FBXO11: variants seen among roughly 807,000 people sequenced by gnomAD.
FBXO11 encodes F-box protein 11.
Under a neutral mutation model 117.0 loss-of-function variants are expected in FBXO11, and 13 were observed. The ratio of observed to expected loss-of-function variants is 0.11; its 90% confidence interval spans 0.07 to 0.18. FBXO11 has a LOEUF of 0.18. FBXO11 is among the 10% of genes least tolerant of loss of function. The pLI is 1.00. For synonymous variants in FBXO11, 490 were observed against 380.5 expected (o/e 1.29, Z -3.35); for missense variants, 767 against 1,164.4 (o/e 0.66, Z 4.97).
chr2:47,836,669 G>A (rs922560342), intron 4 of FBXO11, among the ~76,000 whole-genome samples: 3 of 152,034 alleles, frequency 2.0e-5, no homozygotes, highest in Non-Finnish European at 1.5e-5. Flanking sequence ...ATGAAAATTT[G>A]TCCACACAGA....
intron 12 of FBXO11, among the ~76,000 whole-genome samples, chr2:47,822,538 T>G (rs1671464517): frequency 6.6e-6 from 1 of 152,210 alleles, no homozygotes; most frequent in South Asian, 2.1e-4. Context: ...CAAAACAATT[T>G]TTTAGCTGAT....
chr2:47,895,036 A>G (rs1572920311), intron 1 of FBXO11, among the ~76,000 whole-genome samples: 1 of 152,170 alleles, frequency 6.6e-6, no homozygotes, highest in East Asian at 1.9e-4. Flanking sequence ...ATATTCACAC[A>G]CCTTAAAGCT....
At chr2:47,830,095 G>C (rs1480419949) in intron 11 of FBXO11, among the ~76,000 whole-genome samples, 2 of 152,000 alleles carry the variant, frequency 1.3e-5, no homozygotes, top group Non-Finnish European at 2.9e-5. Context: ...CAGAAAGATA[G>C]CTAAGTTTCT....
intron 1 of FBXO11, among the ~76,000 whole-genome samples, chr2:47,886,654 T>C (rs1676875427): frequency 6.6e-6 from 1 of 152,144 alleles, no homozygotes; most frequent in Non-Finnish European, 1.5e-5. Context: ...TACATTCATG[T>C]AAGGGGACTA....
At chr2:47,852,286 G>T (rs1262310531) in intron 1 of FBXO11, among the ~76,000 whole-genome samples, 1 of 152,102 alleles carries the variant, frequency 6.6e-6, no homozygotes, top group Non-Finnish European at 1.5e-5. Flanking sequence ...CACTGCGTCT[G>T]GCCAGCAACC....
At chr2:47,895,404 T>C (rs1239152775) in intron 1 of FBXO11, among the ~76,000 whole-genome samples, 1 of 152,146 alleles carries the variant, frequency 6.6e-6, no homozygotes, top group African/African-American at 2.4e-5. Context: ...GTCAGACACA[T>C]AGGAGTACAT....
At chr2:47,899,882 A>G (rs1049837747) in intron 1 of FBXO11, among the ~76,000 whole-genome samples, 1 of 152,128 alleles carries the variant, frequency 6.6e-6, no homozygotes, top group African/African-American at 2.4e-5. Context: ...GGGGGACAAT[A>G]AAAGACCTCA....
At chr2:47,872,616 G>A (rs1157753640) in intron 1 of FBXO11, among the ~76,000 whole-genome samples, 1 of 152,174 alleles carries the variant, frequency 6.6e-6, no homozygotes, top group Non-Finnish European at 1.5e-5. Context: ...GAGCCACCGT[G>A]CCTGGCCTTA....
Position 47,905,375 on chromosome 2 carries a change from CTCCCACCCCCAGGGCGCGCA to C in FBXO11, c.232+94_232+113del, listed in dbSNP as rs1348927433. The C allele has an allele frequency of 5.9e-5, 61 of 1,027,932 alleles. 1 individual carries two copies. The African/African-American group carries it at 8.5e-4, about 14-fold the overall frequency. 63.7% of individuals were successfully genotyped at this position (1,027,932 alleles called of 1,614,324 possible). Reference sequence around the variant, plus strand: ...GGACCCGCCTCCGCTCAGCTTGGGTCTCCCACCCCCAGGGCGCGCAGGCCGCCCCCGCCCGCCCGCCCGCC... The same window carrying C: ...GGACCCGCCTCCGCTCAGCTTGGGTCGGCCGCCCCCGCCCGCCCGCCCGCC... On this transcript the variant is annotated intron_variant, in intron 1 of 22. Coordinates refer to ENST00000403359, the MANE Select transcript of FBXO11 (RefSeq NM_001190274.2).
In FBXO11 at chr2:47,823,277, T is replaced by C. The variant is rs1212949940; in HGVS notation, c.1482A>G (p.Arg494=). The change falls in exon 12 of 23, where the codon CGA becomes CGG. Residue 494 remains arginine (R), a synonymous_variant. Coordinates refer to ENST00000403359, the MANE Select transcript of FBXO11 (RefSeq NM_001190274.2). ...CAGTCTGCCCATGGTGAATTTCACA[T>C]CGAACCACTGTAGGGTTAGCATAGG... is the stretch of plus-strand genomic sequence containing the variant. ...VKAYANPTVV[R]CEIHHGQTGG... is the part of the protein sequence containing the mutation. The C allele has an allele frequency of 2.5e-6, 4 of 1,614,116 alleles. No individual in the cohort carries two copies. The highest frequency in any genetic ancestry group is 3.4e-6 in the Non-Finnish European group (4 of 1,179,982).
chr2:47,843,469 G>A (rs1207208447), intron 1 of FBXO11, among the ~76,000 whole-genome samples: 4 of 147,044 alleles, frequency 2.7e-5, no homozygotes, highest in Non-Finnish European at 6.0e-5. Context: ...TGCTTTATGT[G>A]CTTTGAGACA....
At chr2:47,840,045 G>A (rs571979428) in intron 1 of FBXO11, among the ~76,000 whole-genome samples, 14 of 151,988 alleles carry the variant, frequency 9.2e-5, no homozygotes, top group Admixed American at 5.2e-4. Flanking sequence ...CTGGGTTCAC[G>A]CCTTTCTCCT....
At chr2:47,905,375 C>A in intron 1 of FBXO11, 114 bp downstream of exon 1, 19 of 1,027,932 alleles carry the variant, frequency 1.8e-5, no homozygotes, top group Non-Finnish European at 2.3e-5. Context: ...CAGCTTGGGT[C>A]TCCCACCCCC....
At chr2:47,872,549 C>G (rs1473600333) in intron 1 of FBXO11, among the ~76,000 whole-genome samples, 1 of 152,190 alleles carries the variant, frequency 6.6e-6, no homozygotes, top group East Asian at 1.9e-4. Flanking sequence ...GTCTAAAACT[C>G]CTGACCTCAG....
At position 47,906,330 on chromosome 2, in the gene FBXO11, G is replaced by A. The variant is rs1678812286; in HGVS notation, c.-610C>T. Among the ~76,000 whole-genome samples, 1 of 152,086 alleles carries A rather than the reference G, an allele frequency of 6.6e-6. No homozygotes were observed. Among genetic ancestry groups the A allele is most frequent in the African/African-American group, 2.4e-5 (1 of 41,404 alleles). ...CTCCTCCCCCCCTTCTCTCCTCGGCGAAGGGGAAATGAGTGTGAAGGGAGG... is the reference window on the plus strand; with the variant it reads ...CTCCTCCCCCCCTTCTCTCCTCGGCAAAGGGGAAATGAGTGTGAAGGGAGG... On this transcript the variant is annotated 5_prime_UTR_variant, in exon 1 of 23. Coordinates refer to ENST00000403359, the MANE Select transcript of FBXO11 (RefSeq NM_001190274.2).
intron 1 of FBXO11, among the ~76,000 whole-genome samples, chr2:47,852,964 T>C (rs1214832795): frequency 2.6e-5 from 4 of 152,210 alleles, no homozygotes; most frequent in Non-Finnish European, 2.9e-5. Flanking sequence ...ATCTCTGTTA[T>C]ACAATTAATT....
At chr2:47,839,161 A>G (rs1672826833) in intron 3 of FBXO11, among the ~76,000 whole-genome samples, 158 bp from the exon 4 acceptor site, 1 of 151,536 alleles carries the variant, frequency 6.6e-6, no homozygotes, top group Non-Finnish European at 1.5e-5. Flanking sequence ...ATTTATCTCT[A>G]TCCTGAACTA....
chr2:47,879,642 A>G (rs1298204831), intron 1 of FBXO11, among the ~76,000 whole-genome samples: 1 of 152,220 alleles, frequency 6.6e-6, no homozygotes, highest in Non-Finnish European at 1.5e-5. Context: ...GTATATCAGG[A>G]AGGCTACCCT....
chr2:47,902,872 A>T (rs1678401163), intron 1 of FBXO11, among the ~76,000 whole-genome samples: 1 of 152,066 alleles, frequency 6.6e-6, no homozygotes, highest in Non-Finnish European at 1.5e-5. Flanking sequence ...ACTCTATCCA[A>T]GATCCTAATG....
Sources: allele counts gnomAD v4.1 joint callset (sites outside exome capture counted in the v4.1 genomes callset), GRCh38; gene constraint gnomAD v4.1.1; transcripts MANE v1.5; gene names NCBI Gene and HGNC (gene_info 2026-07-23, HGNC 2026-07-21).